Variants in CEP63 observed in about 807,000 individuals in gnomAD.
CEP63 encodes the protein centrosomal protein 63, also known as centrosomal protein of 63 kDa.
In CEP63, 84 loss-of-function variants were observed where a neutral mutation model predicts 89.1. The ratio of observed to expected loss-of-function variants is 0.94; its 90% confidence interval spans 0.79 to 1.13. CEP63 has a LOEUF of 1.13. Among genes scored for constraint, CEP63 ranks in the 50% most tolerant of loss-of-function variants. The pLI, the probability that CEP63 is intolerant of heterozygous loss-of-function variation, is 0.00. For missense variants in CEP63, 838 were observed against 813.3 expected (o/e 1.03, Z -0.37); for synonymous variants, 267 against 272.5 (o/e 0.98, Z 0.20).
chr3:134,661,597 A>C, the CEP63 span, among the ~76,000 whole-genome samples: 1 of 152,122 alleles, frequency 6.6e-6, no homozygotes, highest in Non-Finnish European at 1.5e-5. Context: ...AATCTGGATG[A>C]AGGGGAAGAG....
the CEP63 span, among the ~76,000 whole-genome samples, chr3:134,633,713 CT>C: frequency 6.6e-6 from 1 of 152,094 alleles, no homozygotes; most frequent in African/African-American, 2.4e-5. Context: ...GATATCCACT[CT>C]CACTGATCCT....
chr3:134,606,815 T>G, the CEP63 span, among the ~76,000 whole-genome samples: 94,957 of 150,776 alleles, frequency 0.63, 30,378 homozygotes, highest in East Asian at 0.87. Flanking sequence ...AGTCCCCTCT[T>G]CCTCCTCCTC....
chr3:134,758,337 C>T, the CEP63 span, among the ~76,000 whole-genome samples: 5 of 152,156 alleles, frequency 3.3e-5, no homozygotes, highest in African/African-American at 1.2e-4. Context: ...GGCAGGGGCC[C>T]ATGTCTTGAT....
At chr3:134,595,321 A>G in the CEP63 span, among the ~76,000 whole-genome samples, 1 of 152,162 alleles carries the variant, frequency 6.6e-6, no homozygotes, top group Non-Finnish European at 1.5e-5. Flanking sequence ...CCCTTCTGAC[A>G]TGATTGTTAA....
intron 6 of CEP63, among the ~76,000 whole-genome samples, chr3:134,538,551 A>ATATG (rs1284997553): frequency 9.9e-5 from 14 of 141,472 alleles, no homozygotes; most frequent in Non-Finnish European, 1.5e-4. Context: ...ATATATATAT[A>ATATG]TATGTATATA....
chr3:134,604,511 C>T, the CEP63 span: 3 of 1,544,990 alleles, frequency 1.9e-6, no homozygotes, highest in Admixed American at 1.8e-5. Context: ...GAGATGGGTC[C>T]AGCACGTGCT....
the CEP63 span, among the ~76,000 whole-genome samples, chr3:134,658,950 G>A: frequency 2.6e-5 from 4 of 152,186 alleles, no homozygotes; most frequent in Admixed American, 2.0e-4. Context: ...CTTTCTCAAA[G>A]TATTTCTGTT....
the CEP63 span, among the ~76,000 whole-genome samples, chr3:134,605,657 A>C: frequency 6.6e-6 from 1 of 151,298 alleles, no homozygotes; most frequent in South Asian, 2.1e-4. Flanking sequence ...CCTGCCCTAC[A>C]CTCCCACACA....
At chr3:134,491,192 T>C (rs956199951) in intron 1 of CEP63, among the ~76,000 whole-genome samples, 3 of 152,212 alleles carry the variant, frequency 2.0e-5, no homozygotes, top group Non-Finnish European at 4.4e-5. Context: ...CTACCTATTA[T>C]GTATATGAGT....
At chr3:134,711,865 T>A in the CEP63 span, among the ~76,000 whole-genome samples, 1 of 151,586 alleles carries the variant, frequency 6.6e-6, no homozygotes, top group Non-Finnish European at 1.5e-5. Context: ...TGGGTTCAAG[T>A]GATTCTCCTG....
At chr3:134,761,154 A>G in the CEP63 span, among the ~76,000 whole-genome samples, 1 of 152,180 alleles carries the variant, frequency 6.6e-6, no homozygotes, top group African/African-American at 2.4e-5. Flanking sequence ...TCCTCTGCAC[A>G]TCCACTGTTC....
chr3:134,698,921 C>T, the CEP63 span, among the ~76,000 whole-genome samples: 50 of 152,326 alleles, frequency 3.3e-4, no homozygotes, highest in Middle Eastern at 0.01. Flanking sequence ...TTCTTCAGCA[C>T]GTCCTGAATA....
downstream of CEP63, among the ~76,000 whole-genome samples, chr3:134,591,731 A>AG (rs35633968): frequency 5.3e-5 from 8 of 151,458 alleles, no homozygotes; most frequent in African/African-American, 1.7e-4. Flanking sequence ...AACAAAAAAA[A>AG]TTGGTCGGGT....
chr3:134,769,335 C>A, the CEP63 span, among the ~76,000 whole-genome samples: 1 of 152,114 alleles, frequency 6.6e-6, no homozygotes, highest in East Asian at 1.9e-4. Context: ...AACAAGGCCC[C>A]CCAACCCCAG....
rs375438421 is a variant in CEP63, at chr3:134,559,305, G to A, written c.1829G>A (p.Arg610Lys). The change falls in exon 14 of 15, where the codon AGG (arginine) becomes AAG (lysine). Residue 610 changes from arginine to lysine, a missense_variant. By Grantham distance (26) the Arg-to-Lys change is conservative (BLOSUM62 2). Coordinates refer to ENST00000675561, the MANE Select transcript of CEP63 (RefSeq NM_001353108.3). ...SPQISPCSST[R>K]SLTSYSLCKT... ...CAAATCAGCCCTTGCAGCTCCACCAGGTCTTTGACTTCCTACTCTCTATGT... is the reference window on the plus strand; with the variant it reads ...CAAATCAGCCCTTGCAGCTCCACCAAGTCTTTGACTTCCTACTCTCTATGT... 1 of 1,614,060 alleles carries A rather than the reference G, an allele frequency of 6.2e-7. No individual in the cohort carries two copies. The highest frequency in any genetic ancestry group is 2.2e-5 in the East Asian group (1 of 44,870).
chr3:134,591,684 C>G (rs968137898), downstream of CEP63, among the ~76,000 whole-genome samples: 23 of 151,530 alleles, frequency 1.5e-4, no homozygotes, highest in African/African-American at 4.1e-4. Context: ...AGTGAGACAC[C>G]ATCTCTACAA....
the CEP63 span, among the ~76,000 whole-genome samples, chr3:134,707,739 CT>C: frequency 0.076 from 9,178 of 120,350 alleles, 513 homozygotes; most frequent in African/African-American, 0.18. Flanking sequence ...TGATTCTTTT[CT>C]TTTTTTTTTT....
At chr3:134,616,855 C>T in the CEP63 span, among the ~76,000 whole-genome samples, 1 of 152,150 alleles carries the variant, frequency 6.6e-6, no homozygotes, top group Non-Finnish European at 1.5e-5. Flanking sequence ...AAACACCCAC[C>T]CCAAAATCGG....
the CEP63 span, among the ~76,000 whole-genome samples, chr3:134,669,043 G>C: frequency 1.3e-5 from 2 of 151,790 alleles, no homozygotes; most frequent in Non-Finnish European, 2.9e-5. Flanking sequence ...TTTGAGACAG[G>C]GTCTTACTCT....
Sources: allele counts gnomAD v4.1 joint callset (sites outside exome capture counted in the v4.1 genomes callset), GRCh38; gene constraint gnomAD v4.1.1; transcripts MANE v1.5; gene names NCBI Gene and HGNC (gene_info 2026-07-23, HGNC 2026-07-21).